Variants in ARHGAP28 observed in about 807,000 individuals in gnomAD.
ARHGAP28 encodes the protein rho GTPase-activating protein 28.
Under a neutral mutation model 90.7 loss-of-function variants are expected in ARHGAP28, and 56 were observed. The ratio of observed to expected loss-of-function variants is 0.62; its 90% CI spans 0.50 to 0.77. The LOEUF (loss-of-function observed/expected upper bound fraction) is 0.77. Among genes scored for constraint, ARHGAP28 ranks in the 30% least tolerant of loss-of-function variants. The pLI, the probability that ARHGAP28 is intolerant of heterozygous loss-of-function variation, is 0.00. For missense variants in ARHGAP28, 869 were observed against 900.9 expected, an observed-to-expected ratio of 0.96 and a Z score of 0.45; for synonymous variants, 308 against 323.3, an observed-to-expected ratio of 0.95 and a Z score of 0.51.
intron 3 of ARHGAP28, among the ~76,000 whole-genome samples, chr18:6,850,412 G>C (rs899744330): frequency 1.3e-5 from 2 of 152,186 alleles, no homozygotes; most frequent in African/African-American, 4.8e-5. Flanking sequence ...ATCAGACTTA[G>C]ACAATTAGAG....
intron 10 of ARHGAP28, among the ~76,000 whole-genome samples, chr18:6,879,045 G>A (rs562183245): frequency 2.0e-5 from 3 of 152,216 alleles, no homozygotes; most frequent in African/African-American, 4.8e-5. Flanking sequence ...AATTGCTTGG[G>A]GAGGCTGACA....
intron 1 of ARHGAP28, among the ~76,000 whole-genome samples, chr18:6,805,783 C>T (rs2056514587): frequency 6.6e-6 from 1 of 152,054 alleles, no homozygotes; most frequent in Admixed American, 6.6e-5. Flanking sequence ...CCATGCCTGG[C>T]TACCTTTTCT....
At chr18:6,841,208 C>CTCTCTCTCTCTCTCTCCTCT (rs1555631529) in intron 3 of ARHGAP28, among the ~76,000 whole-genome samples, 1 of 43,132 alleles carries the variant, frequency 2.3e-5, no homozygotes, top group African/African-American at 9.2e-5. Flanking sequence ...TCTCTCCTCT[C>CTCTCTCTCTCTCTCTCCTCT]CTCTCTCTCT....
intron 5 of ARHGAP28, among the ~76,000 whole-genome samples, chr18:6,862,672 A>G (rs777649954): frequency 1.3e-5 from 2 of 152,194 alleles, no homozygotes; most frequent in Non-Finnish European, 2.9e-5. Context: ...ACATAGAAAA[A>G]GGCTATGACT....
chr18:6,801,659 G>A (rs893145820), intron 1 of ARHGAP28, among the ~76,000 whole-genome samples: 1 of 151,542 alleles, frequency 6.6e-6, no homozygotes, highest in Admixed American at 6.6e-5. Context: ...ACATATTTTG[G>A]GAGTACCTAA....
At chr18:6,886,293 A>G (rs2057220540) in intron 11 of ARHGAP28, among the ~76,000 whole-genome samples, 1 of 152,112 alleles carries the variant, frequency 6.6e-6, no homozygotes, top group South Asian at 2.1e-4. Flanking sequence ...CCCCACCAAG[A>G]CACCATTTTG....
chr18:6,793,862 C>T (rs537400674), intron 1 of ARHGAP28, among the ~76,000 whole-genome samples: 40 of 151,258 alleles, frequency 2.6e-4, no homozygotes, highest in Admixed American at 2.0e-4. Context: ...TGGAAGTGTC[C>T]GAGATTACTT....
In ARHGAP28 at chr18:6,873,406, T is replaced by C. The variant is rs1297887691; in HGVS notation, c.955-3T>C. 6.3e-7 allele frequency: 1 copy of C among 1,599,002 alleles called. No homozygotes were observed. The highest frequency in any genetic ancestry group is 1.8e-5 in the Admixed American group (1 of 55,254). ...AAATAAATACCTTCACTGTGTGTTT[T>C]AGAAATTTAATGTTCAGAAAACCAG... On this transcript the variant is annotated splice_region_variant and splice_polypyrimidine_tract_variant and intron_variant, in intron 7 of 17. Transcript: ENST00000383472.
intron 4 of ARHGAP28, among the ~76,000 whole-genome samples, chr18:6,857,523 G>T (rs768647055): frequency 6.6e-6 from 1 of 152,190 alleles, no homozygotes; most frequent in Non-Finnish European, 1.5e-5. Flanking sequence ...CACGCCTCCC[G>T]CTGGGTGGCA....
chr18:6,774,600 C>A (rs2056269097), intron 1 of ARHGAP28, among the ~76,000 whole-genome samples: 1 of 152,140 alleles, frequency 6.6e-6, no homozygotes, highest in Admixed American at 6.5e-5. Flanking sequence ...GTGCTGGAGC[C>A]TTTAAACTAA....
At position 6,867,934 on chromosome 18, in the gene ARHGAP28, C is replaced by T. The variant is rs141992684; in HGVS notation, c.727-216C>T. ...GCTAGGAAAGCACAGTTATATGGAC[C>T]TTACATTGTTCCCTTTTGTGAAACA... On this transcript the variant is annotated intron_variant, in intron 5 of 17. Transcript: ENST00000383472. Among the ~76,000 whole-genome samples, 183 of 152,282 alleles carry T rather than the reference C, an allele frequency of 1.2e-3. 1 individual carries two copies. The highest frequency in any genetic ancestry group is 4.2e-3 in the African/African-American group (175 of 41,556).
intron 6 of ARHGAP28, among the ~76,000 whole-genome samples, chr18:6,869,926 CTT>C: frequency 6.6e-6 from 1 of 152,316 alleles, no homozygotes; most frequent in East Asian, 1.9e-4. Flanking sequence ...CTCAGTGACT[CTT>C]TTGTCTTAAC....
In ARHGAP28 at chr18:6,872,059, G is replaced by C. The variant is rs150754522; in HGVS notation, c.954+1327G>C. Among the ~76,000 whole-genome samples the C allele has an allele frequency of 2.4e-3, 366 of 152,286 alleles. 1 individual carries two copies. Among genetic ancestry groups the C allele is most frequent in the African/African-American group, 8.4e-3 (350 of 41,564 alleles). ...GTCCCTAAGCAGTCTGCAGGTTAGA[G>C]GGCAACATGTGGTGGTCGAGGGAAA... On this transcript the variant is annotated intron_variant, in intron 7 of 17. Coordinates refer to ENST00000383472, the MANE Select transcript of ARHGAP28 (RefSeq NM_001366230.1).
At chr18:6,899,567 G>A (rs764921195) in intron 16 of ARHGAP28, among the ~76,000 whole-genome samples, 1 of 152,082 alleles carries the variant, frequency 6.6e-6, no homozygotes, top group South Asian at 2.1e-4. Flanking sequence ...CCATGGTTTC[G>A]GTGGATCCAA....
chr18:6,857,823 A>G (rs62082829), intron 4 of ARHGAP28, among the ~76,000 whole-genome samples: 6,053 of 152,284 alleles, frequency 0.04, 195 homozygotes, highest in Non-Finnish European at 0.056. Context: ...GCTGGACTTT[A>G]TTGATTTTCC....
chr18:6,842,996 T>A (rs1303252708), intron 3 of ARHGAP28, among the ~76,000 whole-genome samples: 1 of 152,148 alleles, frequency 6.6e-6, no homozygotes, highest in Admixed American at 6.5e-5. Flanking sequence ...TGTAAAATAT[T>A]TTTTAAAAGA....
At chr18:6,786,501 C>T (rs1029106871) in intron 1 of ARHGAP28, among the ~76,000 whole-genome samples, 1 of 152,092 alleles carries the variant, frequency 6.6e-6, no homozygotes, top group Non-Finnish European at 1.5e-5. Context: ...CTCTCTTCTC[C>T]CAGCATTCGG....
intron 1 of ARHGAP28, among the ~76,000 whole-genome samples, chr18:6,735,632 G>A (rs2055920104): frequency 6.7e-6 from 1 of 148,794 alleles, no homozygotes; most frequent in South Asian, 2.1e-4. Context: ...ATGGCTCACT[G>A]TAGCCTCGAC....
chr18:6,815,496 C>G (rs575730127), intron 1 of ARHGAP28, among the ~76,000 whole-genome samples: 1 of 152,088 alleles, frequency 6.6e-6, no homozygotes, highest in Admixed American at 6.6e-5. Context: ...AAAATCTACT[C>G]CTTTAAAGTG....
Sources: allele counts gnomAD v4.1 joint callset (sites outside exome capture counted in the v4.1 genomes callset), GRCh38; gene constraint gnomAD v4.1.1; transcripts MANE v1.5; gene names NCBI Gene and HGNC (gene_info 2026-07-23, HGNC 2026-07-21).